The following DMKN variants were observed in gnomAD, a reference collection of about 807,000 sequenced individuals.
The protein encoded by DMKN is epidermis-specific secreted protein SK30/SK89.
DMKN carries 58 observed loss-of-function variants against 67.6 expected under a neutral mutation model. The observed-to-expected ratio is 0.86, with a 90% CI of 0.69 to 1.07. DMKN has a LOEUF of 1.07. Among genes scored for constraint, DMKN ranks in the 50% least tolerant of loss-of-function variants. The probability of loss-of-function intolerance (pLI) is 0.00; values close to 1 mark genes in which losing one functional copy is unlikely to be tolerated. For missense variants in DMKN, 596 were observed against 601.5 expected (o/e 0.99, Z 0.10); for synonymous variants, 240 against 232.3 (o/e 1.03, Z -0.30).
rs2067855518 is a variant in DMKN at position 35,498,692 on chromosome 19, G to A, written c.*24C>T. On this transcript the variant is annotated intron_variant, in intron 15 of 15. Transcript: ENST00000339686. Reference sequence around the variant, plus strand: ...TGCCTCCACTGCCAGGATGTGGCCTGGGTCGGCTCACTCTGACACTCACCT... The same window carrying A: ...TGCCTCCACTGCCAGGATGTGGCCTAGGTCGGCTCACTCTGACACTCACCT... 1.9e-6 allele frequency: 3 copies of A among 1,613,414 alleles called. No homozygotes were observed. In the African/African-American group the frequency reaches 4.0e-5, roughly 22 times the overall value.
At chr19:35,512,279 T>C in intron 3 of DMKN, 142 bp downstream of exon 3, 2 of 1,164,366 alleles carry the variant, frequency 1.7e-6, no homozygotes. Context: ...ATTACAGGTG[T>C]GAGCCACCTC....
At position 35,502,870 on chromosome 19, in the gene DMKN, G is replaced by C. The variant is rs754611162; in HGVS notation, c.1151C>G (p.Pro384Arg). The stretch of plus-strand genomic sequence containing the variant: ...GAAGTAGAGGAGGGCTCGGGTGCTG[G>C]GGGGCGGGACCTGGTTCTGTGGATG... Reference protein sequence around the residue: ...DAINKNQVPPPSTRALLYFSR... With the variant: ...DAINKNQVPPRSTRALLYFSR... The change falls in exon 10 of 16, where the codon CCC becomes CGC. Residue 384 changes from proline (P) to arginine (R), a missense_variant. Coordinates refer to ENST00000339686, the MANE Select transcript of DMKN (RefSeq NM_033317.5). The C allele has an allele frequency of 1.2e-6, 2 of 1,613,900 alleles. No individual in the cohort carries two copies. The highest frequency in any genetic ancestry group is 8.5e-7 in the Non-Finnish European group (1 of 1,179,980).
At position 35,511,802 on chromosome 19, in the gene DMKN, G is replaced by A; in HGVS notation, c.696C>T (p.Pro232=). The A allele has an allele frequency of 6.2e-7, 1 of 1,613,382 alleles. No homozygotes were observed. Among genetic ancestry groups the A allele is most frequent in the Non-Finnish European group, 8.5e-7 (1 of 1,179,614 alleles). Residue 232 remains proline, a synonymous_variant, in exon 4 of 16, where the codon CCC becomes CCT. Transcript: ENST00000339686. ...ASNQNEGCTN[P]PPSGSGGGSS... The stretch of plus-strand genomic sequence containing the variant: ...AGCCTCCACCTGAGCCAGATGGTGG[G>A]GGATTCGTGCACTGTCGAGGGAAAG...
Position 35,512,634 on chromosome 19 carries a change from G to C in DMKN, c.583C>G (p.Gln195Glu). Reference sequence around the variant, plus strand: ...TTTGGTGGCCCTCCATTGCCTCCTTGACCCCAGGGAGCTCCCTGAGGATTC... The same window carrying C: ...TTTGGTGGCCCTCCATTGCCTCCTTCACCCCAGGGAGCTCCCTGAGGATTC... Reference protein sequence around the residue: ...GMNPQGAPWGQGGNGGPPNFG... With the variant: ...GMNPQGAPWGEGGNGGPPNFG... The change falls in exon 2 of 16, where the codon CAA becomes GAA. Residue 195 changes from glutamine (Q) to glutamate (E), a missense_variant. Physicochemically the swap from Gln to Glu is conservative, Grantham distance 29 (BLOSUM62 2). Coordinates refer to ENST00000339686, the MANE Select transcript of DMKN (RefSeq NM_033317.5). 2 of 1,614,110 alleles carry C rather than the reference G, an allele frequency of 1.2e-6. No homozygotes were observed. The highest frequency in any genetic ancestry group is 1.1e-5 in the South Asian group (1 of 91,080).
chr19:35,506,566 AC>A (rs1324616559), intron 7 of DMKN: 1 of 476,396 alleles, frequency 2.1e-6, no homozygotes, highest in Non-Finnish European at 4.2e-6. Flanking sequence ...TCTGGTGGTG[AC>A]ATGGAAAGCT....
chr19:35,501,826 G>T, intron 11 of DMKN: 1 of 1,571,014 alleles, frequency 6.4e-7, no homozygotes, highest in Non-Finnish European at 8.6e-7. Flanking sequence ...TACCCACCCA[G>T]CCGTGGCTCC....
chr19:35,500,632 G>T, intron 11 of DMKN, 52 bp from the exon 12 acceptor site: 1 of 1,564,446 alleles, frequency 6.4e-7, no homozygotes, highest in East Asian at 2.3e-5. Flanking sequence ...TGCGGGCATT[G>T]CCGGGCTTTC....
At chr19:35,499,655 T>C (rs2145850886) in intron 13 of DMKN, among the ~76,000 whole-genome samples, 1 of 152,286 alleles carries the variant, frequency 6.6e-6, no homozygotes, top group African/African-American at 2.4e-5. Flanking sequence ...GTCATGATTT[T>C]TTAAAGCCTA....
rs112822576 is a variant in DMKN, at chr19:35,504,036, C to T, written c.1135-1150G>A. ...TCACCCCACTGTGAAGAATGGGGCT[C>T]CATTCTCTCCCCTGCCCACCTCTGC... is the stretch of plus-strand genomic sequence containing the variant. On this transcript the variant is annotated intron_variant, in intron 9 of 15. Coordinates refer to ENST00000339686, the MANE Select transcript of DMKN (RefSeq NM_033317.5). Among the ~76,000 whole-genome samples the T allele has an allele frequency of 4.1e-3, 623 of 152,266 alleles. 5 individuals carry two copies. Among genetic ancestry groups the T allele is most frequent in the African/African-American group, 0.014 (591 of 41,548 alleles).
At chr19:35,502,091 C>T in intron 11 of DMKN, 45 bp downstream of exon 11, 2 of 1,612,956 alleles carry the variant, frequency 1.2e-6, no homozygotes, top group Non-Finnish European at 1.7e-6. Flanking sequence ...TCGCCCAGGG[C>T]CCCGAACCCT....
rs539562040 is a variant in DMKN at position 35,510,119 on chromosome 19, G to A, written c.987+65C>T. On this transcript the variant is annotated intron_variant, in intron 6 of 15. Coordinates refer to ENST00000339686, the MANE Select transcript of DMKN (RefSeq NM_033317.5). The stretch of plus-strand genomic sequence containing the variant: ...CGGAGCCTTGGCTCCCCGATCCTGC[G>A]AGTGAAACCAGCTGCTCTCCTTTTC... 133 of 1,565,876 alleles carry A rather than the reference G, an allele frequency of 8.5e-5. 3 individuals carry two copies. The South Asian group carries it at 1.4e-3, about 16-fold the overall frequency.
chr19:35,510,955 C>T (rs2070652620), intron 5 of DMKN, among the ~76,000 whole-genome samples: 1 of 152,124 alleles, frequency 6.6e-6, no homozygotes, highest in Non-Finnish European at 1.5e-5. Context: ...GCAGGGGCCC[C>T]ATGTGTGAAT....
At chr19:35,501,754 TGCCGCA>T in intron 11 of DMKN, 1 of 1,455,706 alleles carries the variant, frequency 6.9e-7, no homozygotes. Flanking sequence ...GTCCTCCCCA[TGCCGCA>T]GCCTAGGCCC....
At chr19:35,509,797 A>T in intron 7 of DMKN, 114 bp downstream of exon 7, 1 of 1,242,600 alleles carries the variant, frequency 8.0e-7, no homozygotes, top group Non-Finnish European at 1.1e-6. Flanking sequence ...CGAAATAGTC[A>T]GTTCCCTGCA....
At chr19:35,505,833 G>C in intron 8 of DMKN, 68 bp from the exon 9 acceptor site, 2 of 1,613,478 alleles carry the variant, frequency 1.2e-6, no homozygotes, top group Non-Finnish European at 1.7e-6. Flanking sequence ...AGAGGTCAAG[G>C]GCCACTGCTG....
intron 9 of DMKN, 50 bp from the exon 10 acceptor site, chr19:35,502,936 A>AC (rs1015909623): frequency 7.6e-6 from 12 of 1,570,012 alleles, no homozygotes; most frequent in Non-Finnish European, 9.6e-6. Flanking sequence ...GGGCCCACTC[A>AC]CCCACCCCTC....
Position 35,510,199 on chromosome 19 carries a change from A to G in DMKN, c.972T>C (p.Asn324=), listed in dbSNP as rs1437265579. The G allele has an allele frequency of 6.2e-7, 1 of 1,608,036 alleles. No individual in the cohort carries two copies. The highest frequency in any genetic ancestry group is 1.7e-5 in the Admixed American group (1 of 59,332). Reference sequence around the variant, plus strand: ...AGCCACTCACCCCGGGTTTATGTCCATTTCCTCCGCCGCTCCCACCGTGGT... The same window carrying G: ...AGCCACTCACCCCGGGTTTATGTCCGTTTCCTCCGCCGCTCCCACCGTGGT... ...SGNHGGSGGG[N]GHKPGCEKPG... Residue 324 remains asparagine, a synonymous_variant, in exon 6 of 16, where the codon AAT becomes AAC. Transcript: ENST00000339686.
At chr19:35,505,874 G>T in intron 8 of DMKN, 65 bp downstream of exon 8, 1 of 1,612,992 alleles carries the variant, frequency 6.2e-7, no homozygotes, top group Non-Finnish European at 8.5e-7. Flanking sequence ...ACCCCAGACT[G>T]TGGGGCCAAG....
intron 9 of DMKN, among the ~76,000 whole-genome samples, chr19:35,504,625 G>C (rs2069096239): frequency 6.7e-6 from 1 of 149,158 alleles, no homozygotes; most frequent in South Asian, 2.2e-4. Context: ...AAAGAAAAAA[G>C]AAAAGAAACA....
Sources: allele counts gnomAD v4.1 joint callset (sites outside exome capture counted in the v4.1 genomes callset), GRCh38; gene constraint gnomAD v4.1.1; transcripts MANE v1.5; gene names NCBI Gene and HGNC (gene_info 2026-07-23, HGNC 2026-07-21).